The following ZC3H18 variants were observed in gnomAD, a reference collection of about 807,000 sequenced individuals.
The protein encoded by ZC3H18 is zinc finger CCCH-type containing 18.
Under a neutral mutation model 106.1 loss-of-function variants are expected in ZC3H18, and 8 were observed. That is an observed-to-expected ratio of 0.08 (90% CI 0.04 to 0.14). The LOEUF (loss-of-function observed/expected upper bound fraction) is 0.14. Among genes scored for constraint, ZC3H18 ranks in the 10% least tolerant of loss-of-function variants. ZC3H18 has a pLI of 1.00. For missense variants in ZC3H18, 1,318 were observed against 1,278.4 expected (o/e 1.03, Z -0.47); for synonymous variants, 635 against 522.1 (o/e 1.22, Z -2.95).
intron 11 of ZC3H18, 42 bp from the exon 12 acceptor site, chr16:88,624,560 C>T (rs201111305): frequency 2.1e-5 from 34 of 1,612,470 alleles, no homozygotes; most frequent in Admixed American, 5.0e-5. Context: ...AGCGGGGCCC[C>T]GTCCACCAGC....
intron 3 of ZC3H18, 124 bp downstream of exon 3, chr16:88,586,808 G>A (rs1359295142): frequency 1.6e-5 from 5 of 321,316 alleles, no homozygotes; most frequent in Non-Finnish European, 2.4e-5. Context: ...TTACTGGCTA[G>A]GTGGTGGTGG....
intron 7 of ZC3H18, among the ~76,000 whole-genome samples, chr16:88,610,510 A>G (rs550060170): frequency 6.6e-6 from 1 of 152,304 alleles, no homozygotes; most frequent in Non-Finnish European, 1.5e-5. Context: ...AGCCCCAGGG[A>G]TCCCTTTCCA....
chr16:88,605,977 C>T (rs1360168871), intron 6 of ZC3H18, among the ~76,000 whole-genome samples: 1 of 152,234 alleles, frequency 6.6e-6, no homozygotes, highest in African/African-American at 2.4e-5. Context: ...GACGCGGGGC[C>T]TCTGGAGTGC....
intron 8 of ZC3H18, among the ~76,000 whole-genome samples, chr16:88,615,215 A>G (rs58824851): frequency 0.058 from 3,816 of 66,212 alleles, 926 homozygotes; most frequent in East Asian, 0.12. Flanking sequence ...TGCCTTTGAC[A>G]GGCTGCCCCC....
intron 1 of ZC3H18, among the ~76,000 whole-genome samples, chr16:88,576,617 G>C (rs1276069604): frequency 6.6e-6 from 1 of 152,202 alleles, no homozygotes; most frequent in Non-Finnish European, 1.5e-5. Flanking sequence ...AAAGGCTCCA[G>C]ACTTGGACAC....
chr16:88,619,214 C>G (rs1905807070), intron 8 of ZC3H18, among the ~76,000 whole-genome samples: 1 of 152,046 alleles, frequency 6.6e-6, no homozygotes, highest in African/African-American at 2.4e-5. Context: ...GCAGAGCTTG[C>G]AGTGAGCCAA....
chr16:88,588,562 A>G (rs1597328563), intron 3 of ZC3H18, among the ~76,000 whole-genome samples: 1 of 152,226 alleles, frequency 6.6e-6, no homozygotes, highest in South Asian at 2.1e-4. Flanking sequence ...CTCCTTGCAC[A>G]TCACGTGGGT....
At position 88,628,865 on chromosome 16, in the gene ZC3H18, C is replaced by A. The variant is rs555844621; in HGVS notation, c.2566+11C>A. 126 of 1,613,704 alleles carry A rather than the reference C, an allele frequency of 7.8e-5. No individual in the cohort carries two copies. Among genetic ancestry groups the A allele is most frequent in the Non-Finnish European group, 1.1e-4 (124 of 1,179,850 alleles). On this transcript the variant is annotated intron_variant, in intron 16 of 17. Coordinates refer to ENST00000301011, the MANE Select transcript of ZC3H18 (RefSeq NM_144604.4). ...CATCCCCAGACCGAGGTGAGCCTCCCAGCCCCTAGGGGGCAGGGCAGAGGG... is the reference window on the plus strand; with the variant it reads ...CATCCCCAGACCGAGGTGAGCCTCCAAGCCCCTAGGGGGCAGGGCAGAGGG...
chr16:88,571,755 T>C (rs1166413976), intron 1 of ZC3H18: 1 of 886,852 alleles, frequency 1.1e-6, no homozygotes, highest in Admixed American at 6.2e-5. Context: ...TGAGTACCTC[T>C]TTATCAAGGA....
At chr16:88,621,235 T>A (rs529030683) in intron 8 of ZC3H18, among the ~76,000 whole-genome samples, 29 of 151,186 alleles carry the variant, frequency 1.9e-4, no homozygotes, top group Non-Finnish European at 2.8e-4. Flanking sequence ...TTTTATTTTT[T>A]TTTTTTTGAG....
intron 10 of ZC3H18, 85 bp from the exon 11 acceptor site, chr16:88,623,873 A>G (rs1184914808): frequency 2.4e-5 from 36 of 1,499,620 alleles, no homozygotes; most frequent in Non-Finnish European, 2.8e-5. Flanking sequence ...GGCCTTCTCC[A>G]TGGGTCTGGG....
rs749954589 is a variant in ZC3H18, at chr16:88,628,864, C to T, written c.2566+10C>T. The stretch of plus-strand genomic sequence containing the variant: ...ACATCCCCAGACCGAGGTGAGCCTC[C>T]CAGCCCCTAGGGGGCAGGGCAGAGG... On this transcript the variant is annotated intron_variant, in intron 16 of 17. Coordinates refer to ENST00000301011, the MANE Select transcript of ZC3H18 (RefSeq NM_144604.4). 6.2e-7 allele frequency: 1 copy of T among 1,613,906 alleles called. No individual in the cohort carries two copies. The highest frequency in any genetic ancestry group is 1.7e-5 in the Admixed American group (1 of 60,004).
chr16:88,598,469 C>A, intron 4 of ZC3H18, 143 bp downstream of exon 4: 1 of 1,465,794 alleles, frequency 6.8e-7, no homozygotes, highest in Non-Finnish European at 9.3e-7. Flanking sequence ...TGGAAGCAGG[C>A]CTCGGCTTTC....
chr16:88,631,522 A>C lies in ZC3H18; in HGVS notation c.*223A>C, dbSNP rs1906691178. On this transcript the variant is annotated 3_prime_UTR_variant, in exon 18 of 18. Coordinates refer to ENST00000301011, the MANE Select transcript of ZC3H18 (RefSeq NM_144604.4). ...TCCCGCAGGACAGACAGACACAGAC[A>C]GCGCTAGTGACCAGCACGGTTCTCA... is the stretch of plus-strand genomic sequence containing the variant. 1 of 665,290 alleles carries C rather than the reference A, an allele frequency of 1.5e-6. No individual in the cohort carries two copies. The highest frequency in any genetic ancestry group is 1.8e-5 in the African/African-American group (1 of 56,242). The allele number at this position is 665,290 out of a possible 1,614,324, so 41.2% of individuals were successfully genotyped here.
At chr16:88,617,299 C>G (rs1905676860) in intron 8 of ZC3H18, among the ~76,000 whole-genome samples, 1 of 152,086 alleles carries the variant, frequency 6.6e-6, no homozygotes, top group Non-Finnish European at 1.5e-5. Flanking sequence ...CCTGGACCTG[C>G]GGCTGGAGAC....
intron 9 of ZC3H18, 107 bp from the exon 10 acceptor site, chr16:88,623,112 T>A: frequency 6.8e-7 from 1 of 1,475,618 alleles, no homozygotes; most frequent in Non-Finnish European, 9.1e-7. Flanking sequence ...TGCGCTTGTG[T>A]GTAGCTGTGC....
In ZC3H18 at chr16:88,627,451, A is replaced by T. The variant is rs1906379822; in HGVS notation, c.2109-171A>T. 1 of 819,118 alleles carries T rather than the reference A, an allele frequency of 1.2e-6. No homozygotes were observed. The highest frequency in any genetic ancestry group is 1.8e-6 in the Non-Finnish European group (1 of 546,988). The allele number at this position is 819,118 out of a possible 1,614,324, so 50.7% of individuals were successfully genotyped here. On this transcript the variant is annotated intron_variant, in intron 13 of 17. Transcript: ENST00000301011. This position sits in a 1 kb window ranked among gnomAD's most constrained non-coding sequence, Gnocchi z 4.5. ...ATGGGGCCCTGGCCTAGCCATGGGG[A>T]CGTCCCTTACTTTGTAACCCTGAAA...
chr16:88,590,670 C>T, intron 3 of ZC3H18, among the ~76,000 whole-genome samples: 1 of 143,540 alleles, frequency 7.0e-6, no homozygotes, highest in Non-Finnish European at 1.5e-5. Context: ...AGCTATTCTT[C>T]TGTCTCAGAC....
At position 88,608,925 on chromosome 16, in the gene ZC3H18, C is replaced by A; in HGVS notation, c.1089-9C>A. Reference sequence around the variant, plus strand: ...GTGATGAGAGTTCTTTTTCATTGGCCCTTTTCAGACTCGAGCCTTACGCAG... The same window carrying A: ...GTGATGAGAGTTCTTTTTCATTGGCACTTTTCAGACTCGAGCCTTACGCAG... On this transcript the variant is annotated splice_polypyrimidine_tract_variant and intron_variant, in intron 6 of 17. Coordinates refer to ENST00000301011, the MANE Select transcript of ZC3H18 (RefSeq NM_144604.4). 3.7e-6 allele frequency: 6 copies of A among 1,605,282 alleles called. No individual in the cohort carries two copies. Among genetic ancestry groups the A allele is most frequent in the Non-Finnish European group, 4.3e-6 (5 of 1,175,528 alleles).
Sources: allele counts gnomAD v4.1 joint callset (sites outside exome capture counted in the v4.1 genomes callset), GRCh38; gene constraint gnomAD v4.1.1; non-coding constraint Gnocchi (gnomAD v3.1); transcripts MANE v1.5; gene names NCBI Gene and HGNC (gene_info 2026-07-23, HGNC 2026-07-21).